ENTREP3: variants seen among roughly 807,000 people sequenced by gnomAD.
The protein encoded by ENTREP3 is endosomal transmembrane epsin interactor 3, also known as protein ENTREP3.
chr1:155,248,985 G>T, the ENTREP3 span, among the ~76,000 whole-genome samples: 1 of 151,964 alleles, frequency 6.6e-6, no homozygotes, highest in African/African-American at 2.4e-5. Context: ...CAAAGTGCTG[G>T]GATTATAGGT....
At chr1:155,251,799 G>A in the ENTREP3 span, 12 of 1,587,362 alleles carry the variant, frequency 7.6e-6, no homozygotes, top group East Asian at 2.3e-5. Flanking sequence ...GGGCACAGGC[G>A]GGACAAATTC....
the ENTREP3 span, chr1:155,247,635 C>G: frequency 1.2e-6 from 1 of 809,420 alleles, no homozygotes; most frequent in South Asian, 1.5e-5. Flanking sequence ...AGCAAGAGAC[C>G]CCAGAGGTAG....
chr1:155,249,046 A>G, the ENTREP3 span, among the ~76,000 whole-genome samples: 1 of 151,716 alleles, frequency 6.6e-6, no homozygotes, highest in Non-Finnish European at 1.5e-5. Flanking sequence ...CTTCGAGTAC[A>G]ATGCCTATGG....
chr1:155,250,809 CTGT>C, the ENTREP3 span: 1 of 1,605,224 alleles, frequency 6.2e-7, no homozygotes, highest in South Asian at 1.1e-5. This position sits in a 1 kb window ranked among gnomAD's most constrained non-coding sequence, Gnocchi z 5.4. Context: ...CAGAGACCCG[CTGT>C]CCATGGACAC....
the ENTREP3 span, chr1:155,248,302 C>A: frequency 8.1e-6 from 13 of 1,606,844 alleles, no homozygotes; most frequent in Non-Finnish European, 1.1e-5. Flanking sequence ...CAGAGCAGAG[C>A]CCTGCAGAGA....
At chr1:155,252,688 G>GTGTGTATA in the ENTREP3 span, 1 of 47,196 alleles carries the variant, frequency 2.1e-5, no homozygotes, top group African/African-American at 1.5e-4. Flanking sequence ...GTAATTTTGT[G>GTGTGTATA]TGTATATATA....
At chr1:155,251,874 A>G in the ENTREP3 span, 1 of 1,497,374 alleles carries the variant, frequency 6.7e-7, no homozygotes, top group Non-Finnish European at 8.9e-7. Context: ...CAGAGGTCCC[A>G]GTGGGCCTGA....
At chr1:155,253,644 GAGA>G in the ENTREP3 span, 2 of 1,613,798 alleles carry the variant, frequency 1.2e-6, no homozygotes, top group Non-Finnish European at 1.7e-6. Flanking sequence ...GAGGTCCAGG[GAGA>G]AGATTTGGAT....
the ENTREP3 span, chr1:155,247,735 A>T: frequency 6.9e-7 from 1 of 1,453,068 alleles, no homozygotes; most frequent in South Asian, 1.5e-5. Context: ...GGTCCCAACC[A>T]GCTGGTGCCT....
chr1:155,248,721 T>C, the ENTREP3 span, among the ~76,000 whole-genome samples: 1 of 151,318 alleles, frequency 6.6e-6, no homozygotes, highest in Non-Finnish European at 1.5e-5. Flanking sequence ...CTATCTCCTT[T>C]CTTATTTTTT....
the ENTREP3 span, chr1:155,255,015 C>T: frequency 1.5e-6 from 1 of 682,550 alleles, no homozygotes; most frequent in Non-Finnish European, 2.4e-6. This position sits in a 1 kb window ranked among gnomAD's most constrained non-coding sequence, Gnocchi z 5.6. Context: ...TCCCCTGGGG[C>T]ATGGCCGAGG....
chr1:155,252,684 T>TTGTGTG, the ENTREP3 span: 8 of 92,140 alleles, frequency 8.7e-5, no homozygotes, highest in East Asian at 1.6e-3. Context: ...TTTTGTAATT[T>TTGTGTG]TGTGTGTATA....
the ENTREP3 span, chr1:155,248,224 T>C: frequency 1.9e-5 from 30 of 1,607,078 alleles, no homozygotes; most frequent in Non-Finnish European, 2.6e-5. Context: ...CAGGGCGCCG[T>C]TTCTCGGCTG....
chr1:155,251,075 C>A, the ENTREP3 span: 1 of 1,607,046 alleles, frequency 6.2e-7, no homozygotes, highest in Non-Finnish European at 8.5e-7. Context: ...CTTGTCCACC[C>A]CTCATTACGC....
the ENTREP3 span, chr1:155,250,529 G>T: frequency 1.3e-6 from 2 of 1,535,048 alleles, no homozygotes. The surrounding 1 kb of genome is among the most constrained non-coding windows in gnomAD (Gnocchi z 5.4). Context: ...GGCAGCTGCG[G>T]GCAGCTGTGG....
At chr1:155,249,885 C>CA in the ENTREP3 span, among the ~76,000 whole-genome samples, 310 of 30,994 alleles carry the variant, frequency 0.01, no homozygotes, top group Middle Eastern at 0.05. Flanking sequence ...GACACCGTCT[C>CA]AAAAAAAAAA....
At chr1:155,253,302 C>T in the ENTREP3 span, 1 of 251,144 alleles carries the variant, frequency 4.0e-6, no homozygotes, top group Non-Finnish European at 7.6e-6. Context: ...GCCTGGGCCT[C>T]TCAAAGTGCT....
chr1:155,253,877 T>G, the ENTREP3 span: 1 of 1,612,900 alleles, frequency 6.2e-7, no homozygotes, highest in East Asian at 2.2e-5. Flanking sequence ...CCCCTCGGGC[T>G]TCATCACAGG....
chr1:155,251,597 T>C, the ENTREP3 span: 10 of 1,613,744 alleles, frequency 6.2e-6, no homozygotes, highest in Non-Finnish European at 8.5e-6. Flanking sequence ...CCATTGTACG[T>C]GATGCTGGCA....
Sources: allele counts gnomAD v4.1 joint callset (sites outside exome capture counted in the v4.1 genomes callset), GRCh38; gene constraint gnomAD v4.1.1; non-coding constraint Gnocchi (gnomAD v3.1); transcripts MANE v1.5; gene names NCBI Gene and HGNC (gene_info 2026-07-23, HGNC 2026-07-21).